DUSP29: variants seen among roughly 807,000 people sequenced by gnomAD.
DUSP29 encodes dual specificity phosphatase 29, also known as atypical dual-specific protein phosphatase.
In DUSP29, 12 loss-of-function variants were observed where a neutral mutation model predicts 13.5. That is an observed-to-expected ratio of 0.89 (90% confidence interval 0.57 to 1.44). The LOEUF (loss-of-function observed/expected upper bound fraction) is 1.44, where lower values mean the gene tolerates loss of function less well. DUSP29 is among the 40% of genes most tolerant of loss of function. DUSP29 has a pLI of 0.00. For missense variants in DUSP29, 308 were observed against 301.1 expected, an observed-to-expected ratio of 1.02 and a Z score of -0.17; for synonymous variants, 134 against 128.7, an observed-to-expected ratio of 1.04 and a Z score of -0.28.
At chr10:75,048,329 CT>C (rs530809657) in intron 2 of DUSP29, among the ~76,000 whole-genome samples, 103 of 140,678 alleles carry the variant, frequency 7.3e-4, no homozygotes, top group South Asian at 3.8e-3. Flanking sequence ...ATGCAGTTTA[CT>C]TTTTTTTTTT....
chr10:75,068,195 G>A (rs1332656705), intron 1 of DUSP29, among the ~76,000 whole-genome samples: 1 of 152,160 alleles, frequency 6.6e-6, no homozygotes, highest in Admixed American at 6.5e-5. Flanking sequence ...TAAAGGCTGG[G>A]TGCAGTGGCT....
chr10:75,059,877 G>A (rs756378880), intron 1 of DUSP29, among the ~76,000 whole-genome samples: 2 of 152,200 alleles, frequency 1.3e-5, no homozygotes, highest in Non-Finnish European at 2.9e-5. Context: ...TAATACTGAA[G>A]GCCAGGCGCG....
intron 1 of DUSP29, among the ~76,000 whole-genome samples, chr10:75,061,973 G>A (rs192551789): frequency 6.6e-6 from 1 of 152,334 alleles, no homozygotes; most frequent in East Asian, 1.9e-4. Flanking sequence ...GGAGGGAGAA[G>A]GTGAGGGGAC....
intron 2 of DUSP29, 130 bp from the exon 3 acceptor site, chr10:75,044,147 C>T: frequency 1.1e-6 from 1 of 874,682 alleles, no homozygotes; most frequent in South Asian, 1.7e-5. Flanking sequence ...CAAATGAAGT[C>T]CCAAAGCTCT....
At chr10:75,058,206 T>C in intron 2 of DUSP29, 109 bp downstream of exon 2, 2 of 1,335,482 alleles carry the variant, frequency 1.5e-6, no homozygotes, top group Non-Finnish European at 2.0e-6. Flanking sequence ...AATTGAGTTC[T>C]CACAGAACGA....
At chr10:75,057,416 C>T (rs2134296315) in intron 2 of DUSP29, among the ~76,000 whole-genome samples, 1 of 152,310 alleles carries the variant, frequency 6.6e-6, no homozygotes, top group Non-Finnish European at 1.5e-5. Flanking sequence ...GAACAAGCCT[C>T]TGGGTTGGGC....
intron 1 of DUSP29, among the ~76,000 whole-genome samples, chr10:75,068,851 G>A (rs1847259438): frequency 6.6e-6 from 1 of 152,180 alleles, no homozygotes; most frequent in African/African-American, 2.4e-5. Context: ...ATCCCAACTA[G>A]GGAATGAAGT....
chr10:75,063,731 A>G (rs1564645831), intron 1 of DUSP29, among the ~76,000 whole-genome samples: 1 of 152,104 alleles, frequency 6.6e-6, no homozygotes, highest in Non-Finnish European at 1.5e-5. Flanking sequence ...ACATGCACCC[A>G]AACTCTAGTC....
intron 2 of DUSP29, among the ~76,000 whole-genome samples, chr10:75,050,863 T>G (rs913344184): frequency 6.6e-6 from 1 of 152,060 alleles, no homozygotes; most frequent in Admixed American, 6.5e-5. Flanking sequence ...GCCGGCAGAG[T>G]GAGCACCCTC....
intron 3 of DUSP29, among the ~76,000 whole-genome samples, chr10:75,039,489 C>T (rs1051013316): frequency 1.3e-5 from 2 of 152,220 alleles, no homozygotes; most frequent in Admixed American, 6.5e-5. Flanking sequence ...ACACTCCAGC[C>T]GGGGCGACAG....
At chr10:75,054,590 A>G (rs906919822) in intron 2 of DUSP29, among the ~76,000 whole-genome samples, 1 of 152,206 alleles carries the variant, frequency 6.6e-6, no homozygotes, top group African/African-American at 2.4e-5. Flanking sequence ...AATATACCAC[A>G]ATATTAATAG....
chr10:75,054,270 A>G (rs1247773837), intron 2 of DUSP29, among the ~76,000 whole-genome samples: 1 of 152,222 alleles, frequency 6.6e-6, no homozygotes, highest in Non-Finnish European at 1.5e-5. Flanking sequence ...CTAGGGTCAG[A>G]TCTAAGGAAA....
intron 1 of DUSP29, among the ~76,000 whole-genome samples, chr10:75,065,884 T>A (rs546881312): frequency 3.2e-4 from 49 of 151,868 alleles, no homozygotes; most frequent in East Asian, 5.8e-4. Flanking sequence ...TCATTTATTT[T>A]ATTTTATTTT....
chr10:75,066,191 T>C (rs1375063769), intron 1 of DUSP29, among the ~76,000 whole-genome samples: 1 of 152,184 alleles, frequency 6.6e-6, no homozygotes, highest in Non-Finnish European at 1.5e-5. Flanking sequence ...GCGGCAGGAC[T>C]GAGGAAAGGA....
chr10:75,050,426 A>T (rs1846801890), intron 2 of DUSP29, among the ~76,000 whole-genome samples: 1 of 152,286 alleles, frequency 6.6e-6, no homozygotes, highest in South Asian at 2.1e-4. Flanking sequence ...CCTAATTTGA[A>T]TCTAATTTGA....
chr10:75,071,389 C>A (rs976235147), intron 1 of DUSP29, among the ~76,000 whole-genome samples: 2 of 152,152 alleles, frequency 1.3e-5, no homozygotes, highest in Non-Finnish European at 2.9e-5. Context: ...CTGGTGGACT[C>A]AACTGGGCCT....
chr10:75,067,323 G>A (rs1020744439), intron 1 of DUSP29, among the ~76,000 whole-genome samples: 2 of 152,184 alleles, frequency 1.3e-5, no homozygotes, highest in Admixed American at 1.3e-4. Context: ...TGGTGCAAGT[G>A]CAGGGTTCTG....
intron 2 of DUSP29, among the ~76,000 whole-genome samples, chr10:75,057,864 A>G (rs931813672): frequency 6.6e-6 from 1 of 152,192 alleles, no homozygotes; most frequent in South Asian, 2.1e-4. Flanking sequence ...CCTTGCAGCT[A>G]GGGGCAGGGG....
chr10:75,038,412 G>T (rs2134278075), intron 3 of DUSP29, among the ~76,000 whole-genome samples: 1 of 152,210 alleles, frequency 6.6e-6, no homozygotes, highest in Non-Finnish European at 1.5e-5. Flanking sequence ...TTTCGGATCT[G>T]GGGGAGGCTG....
Sources: allele counts gnomAD v4.1 joint callset (sites outside exome capture counted in the v4.1 genomes callset), GRCh38; gene constraint gnomAD v4.1.1; transcripts MANE v1.5; gene names NCBI Gene and HGNC (gene_info 2026-07-23, HGNC 2026-07-21).